NIBAN1: variants seen among roughly 807,000 people sequenced by gnomAD.
NIBAN1 encodes niban apoptosis regulator 1, also known as protein Niban 1.
Under a neutral mutation model 75.1 loss-of-function variants are expected in NIBAN1, and 81 were observed. That is an observed-to-expected ratio of 1.08 (90% CI 0.90 to 1.30). NIBAN1 has a LOEUF of 1.30. Ranked by LOEUF, NIBAN1 falls within the 50% of genes most tolerant of loss-of-function variation. NIBAN1 has a pLI of 0.00. For synonymous variants in NIBAN1, 436 were observed against 424.8 expected, an observed-to-expected ratio of 1.03 and a Z score of -0.32; for missense variants, 1,133 against 1,128.1, an observed-to-expected ratio of 1.00 and a Z score of -0.06.
chr1:184,933,097 C>A (rs894566568), intron 1 of NIBAN1, among the ~76,000 whole-genome samples: 1 of 152,116 alleles, frequency 6.6e-6, no homozygotes, highest in African/African-American at 2.4e-5. Context: ...ACAGAATATT[C>A]CCAACTTACA....
chr1:184,825,934 T>C (rs925303104), intron 6 of NIBAN1, among the ~76,000 whole-genome samples: 1 of 152,232 alleles, frequency 6.6e-6, no homozygotes, highest in Non-Finnish European at 1.5e-5. Flanking sequence ...TCACTTCTCA[T>C]AAAAATTCAA....
At chr1:184,901,204 C>A (rs893953795) in intron 1 of NIBAN1, among the ~76,000 whole-genome samples, 3 of 152,130 alleles carry the variant, frequency 2.0e-5, no homozygotes, top group African/African-American at 7.2e-5. Flanking sequence ...TTCATATTCA[C>A]TTCATAACAT....
At chr1:184,877,598 T>C (rs1656265831) in intron 5 of NIBAN1, among the ~76,000 whole-genome samples, 1 of 152,176 alleles carries the variant, frequency 6.6e-6, no homozygotes, top group Non-Finnish European at 1.5e-5. Flanking sequence ...CACTGTTCAA[T>C]AACAACAGAT....
At chr1:184,919,390 C>A (rs149370471) in intron 1 of NIBAN1, among the ~76,000 whole-genome samples, 21 of 152,188 alleles carry the variant, frequency 1.4e-4, no homozygotes, top group Middle Eastern at 3.4e-3. Flanking sequence ...GAAGCCAAGG[C>A]ATCAAAACTA....
At chr1:184,840,610 T>G (rs1655258020) in intron 5 of NIBAN1, among the ~76,000 whole-genome samples, 1 of 151,962 alleles carries the variant, frequency 6.6e-6, no homozygotes, top group Non-Finnish European at 1.5e-5. Context: ...ATTCTTGACT[T>G]GTCAATAAAT....
intron 6 of NIBAN1, among the ~76,000 whole-genome samples, 177 bp downstream of exon 6, chr1:184,831,670 A>T (rs1206779839): frequency 3.9e-5 from 6 of 152,218 alleles, no homozygotes; most frequent in Non-Finnish European, 5.9e-5. Flanking sequence ...TGGTCTTTGT[A>T]GTAGGTGCCC....
intron 1 of NIBAN1, among the ~76,000 whole-genome samples, chr1:184,914,753 C>T (rs1657339260): frequency 6.8e-6 from 1 of 146,758 alleles, no homozygotes; most frequent in Non-Finnish European, 1.5e-5. Flanking sequence ...CAGAATCTCG[C>T]TCTGTCACCC....
chr1:184,908,026 A>G (rs1207443945), intron 1 of NIBAN1, among the ~76,000 whole-genome samples: 1 of 152,236 alleles, frequency 6.6e-6, no homozygotes, highest in Non-Finnish European at 1.5e-5. Flanking sequence ...GGACCCTCGT[A>G]GGGCTCAGCC....
At chr1:184,973,104 T>A (rs777997228) in intron 1 of NIBAN1, among the ~76,000 whole-genome samples, 2 of 152,184 alleles carry the variant, frequency 1.3e-5, no homozygotes, top group Non-Finnish European at 1.5e-5. Context: ...TTTACTAATA[T>A]AAATAAATCA....
chr1:184,974,471 G>T lies in NIBAN1; in HGVS notation c.-115C>A. The T allele has an allele frequency of 7.4e-7, 1 of 1,350,616 alleles. No homozygotes were observed. The highest frequency in any genetic ancestry group is 1.3e-5 in the South Asian group (1 of 76,690). The allele number at this position is 1,350,616 out of a possible 1,614,324, so 83.7% of individuals were successfully genotyped here. A position where few individuals can be genotyped will look rare whatever the true frequency, so the allele number is the denominator to read the frequency against. On this transcript the variant is annotated 5_prime_UTR_variant, in exon 1 of 14. Coordinates refer to ENST00000367511, the MANE Select transcript of NIBAN1 (RefSeq NM_052966.4). ...CTGAAATTAAGAGCAAACTTCCTTC[G>T]AGAGGCGAGAGACAGGAGGCAAGAG...
chr1:184,909,996 A>G (rs1163051757), intron 1 of NIBAN1, among the ~76,000 whole-genome samples: 3 of 152,162 alleles, frequency 2.0e-5, no homozygotes, highest in Non-Finnish European at 2.9e-5. Flanking sequence ...TGAAAATCCA[A>G]TAGTATTGAC....
chr1:184,833,821 A>C (rs1655061359), intron 5 of NIBAN1, among the ~76,000 whole-genome samples: 1 of 151,896 alleles, frequency 6.6e-6, no homozygotes, highest in African/African-American at 2.4e-5. Context: ...AAAAAAGAGC[A>C]TGTTTCAAGA....
chr1:184,794,825 G>T lies in NIBAN1; in HGVS notation c.*152C>A. 3.1e-6 allele frequency: 3 copies of T among 967,834 alleles called. No homozygotes were observed. Among genetic ancestry groups the T allele is most frequent in the Non-Finnish European group, 4.7e-6 (3 of 633,146 alleles). The allele number at this position is 967,834 out of a possible 1,614,324, so 60.0% of individuals were successfully genotyped here. On this transcript the variant is annotated 3_prime_UTR_variant, in exon 14 of 14. Transcript: ENST00000367511. ...ATGTCCACAAAGGTTTGCCTCAGTT[G>T]CTCATGCCCTGTATGCATTTCCTCT...
chr1:184,906,146 G>T (rs1657096384), intron 1 of NIBAN1, among the ~76,000 whole-genome samples: 1 of 151,880 alleles, frequency 6.6e-6, no homozygotes. Context: ...CAGTGGTGGG[G>T]GTGGGGTGAG....
intron 5 of NIBAN1, among the ~76,000 whole-genome samples, chr1:184,866,906 A>G (rs535173948): frequency 6.6e-6 from 1 of 152,332 alleles, no homozygotes; most frequent in East Asian, 1.9e-4. Context: ...TCTATGAAAG[A>G]AAGAGTGGAA....
Position 184,806,031 on chromosome 1 carries a change from A to G in NIBAN1, c.1361T>C (p.Phe454Ser), listed in dbSNP as rs1654187763. Residue 454 changes from phenylalanine (F) to serine (S), a missense_variant, in exon 11 of 14, where the codon TTT (phenylalanine) becomes TCT (serine). Transcript: ENST00000367511. ...GAGATGTGGGGAAAGCAACTGCTCAAAAGTGAACACTGCATTCTCCATTAG... is the reference window on the plus strand; with the variant it reads ...GAGATGTGGGGAAAGCAACTGCTCAGAAGTGAACACTGCATTCTCCATTAG... ...QELMENAVFTFEQLLSPHLQG... is the reference protein window; with the variant it reads ...QELMENAVFTSEQLLSPHLQG... 4 of 1,614,022 alleles carry G rather than the reference A, an allele frequency of 2.5e-6. No homozygotes were observed. The highest frequency in any genetic ancestry group is 1.1e-5 in the South Asian group (1 of 91,092).
intron 9 of NIBAN1, among the ~76,000 whole-genome samples, chr1:184,816,118 T>C (rs1009135622): frequency 6.6e-6 from 1 of 152,164 alleles, no homozygotes; most frequent in Non-Finnish European, 1.5e-5. Flanking sequence ...GTCAAGCGAG[T>C]AGACTCTTCA....
intron 11 of NIBAN1, among the ~76,000 whole-genome samples, chr1:184,804,222 T>C (rs1251520081): frequency 6.6e-6 from 1 of 152,234 alleles, no homozygotes; most frequent in Non-Finnish European, 1.5e-5. Context: ...GAGACCAGGA[T>C]TTAATTGTGG....
chr1:184,947,838 A>G (rs1658268705), intron 1 of NIBAN1, among the ~76,000 whole-genome samples: 1 of 152,206 alleles, frequency 6.6e-6, no homozygotes, highest in Admixed American at 6.5e-5. Flanking sequence ...GCTTCAGGAG[A>G]TAGTGAGTTT....
Sources: allele counts gnomAD v4.1 joint callset (sites outside exome capture counted in the v4.1 genomes callset), GRCh38; gene constraint gnomAD v4.1.1; transcripts MANE v1.5; gene names NCBI Gene and HGNC (gene_info 2026-07-23, HGNC 2026-07-21).